The following GMCL1 variants were observed in gnomAD, a reference collection of about 807,000 sequenced individuals.
GMCL1 encodes the protein germ cell-less protein-like 1.
Under a neutral mutation model 75.5 loss-of-function variants are expected in GMCL1, and 54 were observed. That is an observed-to-expected ratio of 0.71 (90% CI 0.57 to 0.90). The LOEUF (loss-of-function observed/expected upper bound fraction) is 0.90, where lower values mean the gene tolerates loss of function less well. GMCL1 is among the 40% of genes least tolerant of loss of function. The probability of loss-of-function intolerance (pLI) is 0.00; values close to 1 mark genes in which losing one functional copy is unlikely to be tolerated. For synonymous variants in GMCL1, 210 were observed against 209.6 expected, an observed-to-expected ratio of 1.00 and a Z score of -0.02; for missense variants, 537 against 622.7, an observed-to-expected ratio of 0.86 and a Z score of 1.47.
At chr2:69,843,365 A>G (rs1337956510) in intron 5 of GMCL1, 104 bp downstream of exon 5, 1 of 605,524 alleles carries the variant, frequency 1.7e-6, no homozygotes, top group East Asian at 2.9e-5. Flanking sequence ...AATTAAGGAA[A>G]AATAGGATAG....
intron 13 of GMCL1, among the ~76,000 whole-genome samples, chr2:69,878,518 T>G (rs940036783): frequency 2.6e-5 from 4 of 152,222 alleles, no homozygotes; most frequent in Non-Finnish European, 5.9e-5. Flanking sequence ...TAAAAGGAAA[T>G]AAATTTTTTT....
chr2:69,851,783 CTT>C, intron 8 of GMCL1, among the ~76,000 whole-genome samples: 1 of 152,180 alleles, frequency 6.6e-6, no homozygotes, highest in African/African-American at 2.4e-5. Context: ...AAAAAAATGT[CTT>C]TTGATGAATA....
intron 2 of GMCL1, among the ~76,000 whole-genome samples, chr2:69,838,608 A>T (rs1193902443): frequency 6.6e-6 from 1 of 152,200 alleles, no homozygotes; most frequent in Non-Finnish European, 1.5e-5. Flanking sequence ...CATTTTAATC[A>T]TGTTTTAAAA....
rs144868421 is a variant in GMCL1 at position 69,830,074 on chromosome 2, A to G, written c.182A>G (p.Tyr61Cys). 3.6e-5 allele frequency: 56 copies of G among 1,575,332 alleles called. No individual in the cohort carries two copies. The African/African-American group carries it at 4.8e-4, about 14-fold the overall frequency. Residue 61 changes from tyrosine to cysteine, a missense_variant, in exon 1 of 14, where the codon TAC (tyrosine) becomes TGC (cysteine). Tyr to Cys is a radical substitution (Grantham distance 194). Coordinates refer to ENST00000282570, the MANE Select transcript of GMCL1 (RefSeq NM_178439.5). ...AAGCGGAGCAGCGGGTCCTTCTGCT[A>G]CTGTCACCCTGACTCGGAGACGGAC... ...KRKRSSGSFC[Y>C]CHPDSETDED...
chr2:69,854,502 T>G (rs1675414003), intron 8 of GMCL1, among the ~76,000 whole-genome samples: 1 of 152,192 alleles, frequency 6.6e-6, no homozygotes, highest in Non-Finnish European at 1.5e-5. Context: ...AGGGGGATTC[T>G]GGCGAGAATG....
At chr2:69,841,151 T>C (rs1450929129) in intron 4 of GMCL1, 112 bp downstream of exon 4, 2 of 677,360 alleles carry the variant, frequency 3.0e-6, no homozygotes, top group Non-Finnish European at 5.0e-6. Context: ...TAAATAAAAA[T>C]GAAATGTATA....
intron 1 of GMCL1, among the ~76,000 whole-genome samples, chr2:69,831,963 A>G (rs528846158): frequency 5.3e-5 from 8 of 152,274 alleles, no homozygotes; most frequent in African/African-American, 1.2e-4. Context: ...GCTCATGCCT[A>G]TAATCCCAGC....
intron 1 of GMCL1, among the ~76,000 whole-genome samples, chr2:69,831,166 G>A (rs1674660144): frequency 6.6e-6 from 1 of 152,130 alleles, no homozygotes; most frequent in East Asian, 1.9e-4. Context: ...TGATCTGCTG[G>A]CCTCAGCCTC....
At chr2:69,844,323 G>C in intron 6 of GMCL1, 127 bp downstream of exon 6, 1 of 543,294 alleles carries the variant, frequency 1.8e-6, no homozygotes, top group Non-Finnish European at 3.3e-6. Context: ...TAATGAAAGG[G>C]CTTGACTACA....
intron 4 of GMCL1, 23 bp from the exon 5 acceptor site, chr2:69,843,126 C>A: frequency 7.2e-7 from 1 of 1,385,820 alleles, no homozygotes; most frequent in Non-Finnish European, 1.0e-6. Context: ...ATGGGCCTTT[C>A]CAGTGCTTAT....
chr2:69,863,772 CTT>C (rs1675726255), intron 10 of GMCL1, among the ~76,000 whole-genome samples: 1 of 152,174 alleles, frequency 6.6e-6, no homozygotes, highest in South Asian at 2.1e-4. Flanking sequence ...TCCCAGATGT[CTT>C]TAGCTTCCTC....
At chr2:69,853,784 C>T (rs1329906574) in intron 8 of GMCL1, among the ~76,000 whole-genome samples, 3 of 151,990 alleles carry the variant, frequency 2.0e-5, no homozygotes, top group African/African-American at 4.8e-5. Context: ...TTATATACTT[C>T]ATAAACTTGA....
At chr2:69,833,589 C>G (rs1674735288) in intron 1 of GMCL1, among the ~76,000 whole-genome samples, 1 of 152,212 alleles carries the variant, frequency 6.6e-6, no homozygotes, top group African/African-American at 2.4e-5. Context: ...GCGCTCCAGC[C>G]TGAGCAACAG....
intron 2 of GMCL1, among the ~76,000 whole-genome samples, chr2:69,839,070 C>T (rs1206866402): frequency 2.0e-5 from 3 of 152,168 alleles, no homozygotes; most frequent in African/African-American, 7.2e-5. Flanking sequence ...TCCCTGGTTT[C>T]TTTGGCGATC....
Position 69,847,281 on chromosome 2 carries a change from A to G in GMCL1, c.759-262A>G, listed in dbSNP as rs114394567. Among the ~76,000 whole-genome samples, 696 of 152,254 alleles carry G rather than the reference A, an allele frequency of 4.6e-3. 7 individuals carry two copies. The highest frequency in any genetic ancestry group is 0.016 in the African/African-American group (668 of 41,526). On this transcript the variant is annotated intron_variant, in intron 6 of 13. Coordinates refer to ENST00000282570, the MANE Select transcript of GMCL1 (RefSeq NM_178439.5). ...GCAGATCAGAGCTCTTTGTTTCCCT[A>G]TCAGTGTGAAAAGGACCTTTCACAG...
chr2:69,873,946 CTTT>C (rs58504589), intron 13 of GMCL1: 18 of 142,294 alleles, frequency 1.3e-4, no homozygotes, highest in African/African-American at 1.3e-4. Flanking sequence ...TAATTGTAAC[CTTT>C]TTTTTTTTTT....
intron 10 of GMCL1, among the ~76,000 whole-genome samples, chr2:69,861,595 C>T (rs1273647266): frequency 6.6e-6 from 1 of 151,952 alleles, no homozygotes; most frequent in Admixed American, 6.6e-5. Context: ...ACATGTAATC[C>T]ATATATACTT....
chr2:69,853,420 C>A (rs1250299209), intron 8 of GMCL1, among the ~76,000 whole-genome samples: 1 of 152,136 alleles, frequency 6.6e-6, no homozygotes, highest in Non-Finnish European at 1.5e-5. Flanking sequence ...TGTGGAAATT[C>A]TTTTCATTAA....
chr2:69,869,738 G>C lies in GMCL1; in HGVS notation c.1238G>C (p.Gly413Ala). 18 of 1,613,918 alleles carry C rather than the reference G, an allele frequency of 1.1e-5. No individual in the cohort carries two copies. Among genetic ancestry groups the C allele is most frequent in the Non-Finnish European group, 1.4e-5 (17 of 1,179,956 alleles). ...TTTTAGTACTGCTGGCGTTGGACAG[G>C]TTTTAACTTCGGCTTCGACCTACTT... ...KDGEYCWRWT[G>A]FNFGFDLLVT... Residue 413 changes from glycine (G) to alanine (A), a missense_variant, in exon 12 of 14, where the codon GGT (glycine) becomes GCT (alanine). Physicochemically the swap from Gly to Ala is moderately conservative, Grantham distance 60. This residue lies in a region of GMCL1 where 345 missense variants were observed against 410.5 expected (regional missense o/e 0.84). Transcript: ENST00000282570.
Sources: gnomAD v4.1 joint callset for allele counts (sites outside exome capture counted in the v4.1 genomes callset) on GRCh38, gnomAD v4.1.1 for gene constraint, gnomAD v4.1.1 regional missense constraint, MANE v1.5 for transcripts, NCBI Gene and HGNC (gene_info 2026-07-23, HGNC 2026-07-21) for gene names.